The following UBE2D3 variants were observed in gnomAD, a reference collection of about 807,000 sequenced individuals.
UBE2D3 encodes the protein ubiquitin conjugating enzyme E2 D3.
Under a neutral mutation model 22.8 loss-of-function variants are expected in UBE2D3, and 2 were observed. That is an observed-to-expected ratio of 0.09 (90% confidence interval 0.04 to 0.28). The LOEUF (loss-of-function observed/expected upper bound fraction) is 0.28, where lower values mean the gene tolerates loss of function less well. Ranked by LOEUF, UBE2D3 falls within the 10% of genes least tolerant of loss-of-function variation. The pLI is 1.00. For missense variants in UBE2D3, 27 were observed against 182.5 expected, an observed-to-expected ratio of 0.15 and a Z score of 4.91; for synonymous variants, 56 against 60.4, an observed-to-expected ratio of 0.93 and a Z score of 0.34.
chr4:102,832,165 A>C (rs530272903), upstream of UBE2D3, among the ~76,000 whole-genome samples: 1 of 152,336 alleles, frequency 6.6e-6, no homozygotes, highest in East Asian at 1.9e-4. Context: ...CAAATGAAAA[A>C]AAGGGAGCAA....
upstream of UBE2D3, among the ~76,000 whole-genome samples, chr4:102,830,119 TAAAATC>T (rs916894731): frequency 6.6e-6 from 1 of 152,204 alleles, no homozygotes; most frequent in Non-Finnish European, 1.5e-5. Context: ...TTGCCATGGT[TAAAATC>T]AAAAGAAACA....
At chr4:102,813,409 G>C (rs77061184) in intron 2 of UBE2D3, among the ~76,000 whole-genome samples, 49 of 152,306 alleles carry the variant, frequency 3.2e-4, no homozygotes, top group African/African-American at 1.1e-3. Flanking sequence ...GAATTTTGTT[G>C]ATTGACTCCA....
intron 1 of UBE2D3, among the ~76,000 whole-genome samples, chr4:102,839,635 T>C (rs949619447): frequency 6.6e-6 from 1 of 152,218 alleles, no homozygotes; most frequent in Admixed American, 6.5e-5. Context: ...AAAAACTGTT[T>C]AGAGTGATGT....
At chr4:102,827,175 C>T in intron 1 of UBE2D3, 1 of 987,030 alleles carries the variant, frequency 1.0e-6, no homozygotes, top group Non-Finnish European at 1.2e-6. Flanking sequence ...CGCGCTCCCG[C>T]GCGCGCCCGC....
At chr4:102,799,838 G>T (rs866054843) in intron 6 of UBE2D3, among the ~76,000 whole-genome samples, 1 of 145,324 alleles carries the variant, frequency 6.9e-6, no homozygotes, top group Non-Finnish European at 1.5e-5. Flanking sequence ...TGGCTGGGGG[G>T]GGGGGGACTT....
intron 2 of UBE2D3, chr4:102,819,450 TC>T (rs1490098861): frequency 2.9e-5 from 12 of 407,420 alleles, no homozygotes; most frequent in Non-Finnish European, 3.3e-5. Flanking sequence ...GCAGCCATGT[TC>T]CAGGAGCCCA....
chr4:102,855,220 T>C (rs1732565419), intron 1 of UBE2D3, among the ~76,000 whole-genome samples: 1 of 152,104 alleles, frequency 6.6e-6, no homozygotes, highest in South Asian at 2.1e-4. Context: ...TGGGAAGGGA[T>C]AAAAACGAGG....
chr4:102,820,340 G>A (rs543306921), intron 2 of UBE2D3, among the ~76,000 whole-genome samples: 1 of 152,224 alleles, frequency 6.6e-6, no homozygotes, highest in African/African-American at 2.4e-5. Flanking sequence ...AAGGATGCTT[G>A]GCAAAAAGAT....
At position 102,835,435 on chromosome 4, in the gene UBE2D3, G is replaced by T. The variant is rs546209301; in HGVS notation, c.-128-8799C>A. On this transcript the variant is annotated intron_variant, in intron 1 of 7. Transcript: ENST00000338145. ...GTGGTTCTGGAAACAATCCCTCATG[G>T]ATACTGGAGGATGACTATAATATGA... Among the ~76,000 whole-genome samples, 11 of 152,264 alleles carry T rather than the reference G, an allele frequency of 7.2e-5. 1 individual carries two copies. The South Asian group carries it at 2.3e-3, about 32-fold the overall frequency.
upstream of UBE2D3, among the ~76,000 whole-genome samples, chr4:102,830,420 T>C (rs1731058421): frequency 6.6e-6 from 1 of 152,202 alleles, no homozygotes; most frequent in African/African-American, 2.4e-5. Context: ...ATTTAGAAAT[T>C]AATAAAGGTA....
rs1729646776 is a variant in UBE2D3 at position 102,821,703 on chromosome 4, C to A, written c.24+4782G>T. On this transcript the variant is annotated intron_variant, in intron 2 of 7. Transcript: ENST00000453744. ...AAAGGATAAATGCTCGAGGTATATA[C>A]CCCATTTACCCTGATGTGATTATGC... Among the ~76,000 whole-genome samples the A allele has an allele frequency of 3.3e-5, 5 of 152,140 alleles. No homozygotes were observed. In the South Asian group the frequency reaches 1.0e-3, roughly 32 times the overall value.
At chr4:102,859,340 G>A (rs981223888) in intron 1 of UBE2D3, among the ~76,000 whole-genome samples, 6 of 151,790 alleles carry the variant, frequency 4.0e-5, no homozygotes, top group Admixed American at 2.0e-4. Flanking sequence ...CAAATTCTTT[G>A]TCATTAACTT....
At chr4:102,819,782 G>T (rs939363366) in intron 2 of UBE2D3, among the ~76,000 whole-genome samples, 1 of 152,160 alleles carries the variant, frequency 6.6e-6, no homozygotes, top group African/African-American at 2.4e-5. Flanking sequence ...TCATACAGAG[G>T]ACAGAACGCA....
intron 2 of UBE2D3, among the ~76,000 whole-genome samples, chr4:102,822,687 G>A (rs1729802200): frequency 6.6e-6 from 1 of 150,796 alleles, no homozygotes; most frequent in East Asian, 1.9e-4. Context: ...TGTAATCCCA[G>A]CACTTTGGGA....
chr4:102,853,582 T>C (rs1239806232), intron 1 of UBE2D3, among the ~76,000 whole-genome samples: 3 of 152,148 alleles, frequency 2.0e-5, no homozygotes, highest in East Asian at 1.9e-4. Flanking sequence ...AGTGTATATA[T>C]TGTTATCTTT....
intron 2 of UBE2D3, 114 bp downstream of exon 2, chr4:102,826,371 A>AAGTG: frequency 7.6e-7 from 1 of 1,312,228 alleles, no homozygotes; most frequent in Non-Finnish European, 1.1e-6. Flanking sequence ...CCCATGGAAG[A>AAGTG]AGTGATCCAA....
intron 1 of UBE2D3, chr4:102,868,642 G>C: frequency 1.2e-6 from 2 of 1,609,030 alleles, no homozygotes; most frequent in East Asian, 2.2e-5. Flanking sequence ...TGCAACCCTA[G>C]GGCCACAGCA....
intron 4 of UBE2D3, among the ~76,000 whole-genome samples, chr4:102,806,647 G>A (rs956729128): frequency 6.6e-6 from 1 of 152,074 alleles, no homozygotes. Flanking sequence ...ATTTTTCACA[G>A]GTACTCTCTT....
intron 1 of UBE2D3, among the ~76,000 whole-genome samples, chr4:102,842,106 CCTT>C (rs769075033): frequency 7.9e-5 from 12 of 152,024 alleles, no homozygotes; most frequent in African/African-American, 2.7e-4. Context: ...AGCAGTTTAA[CCTT>C]CTTTGAGTTT....
Sources: allele counts gnomAD v4.1 joint callset (sites outside exome capture counted in the v4.1 genomes callset), GRCh38; gene constraint gnomAD v4.1.1; transcripts MANE v1.5; gene names NCBI Gene and HGNC (gene_info 2026-07-23, HGNC 2026-07-21).